CDC27: variants seen among roughly 807,000 people sequenced by gnomAD.
CDC27 encodes the protein cell division cycle protein 27 homolog.
Under a neutral mutation model 109.7 loss-of-function variants are expected in CDC27, and 27 were observed. That is an observed-to-expected ratio of 0.25 (90% CI 0.18 to 0.34). The LOEUF is 0.34. Among genes scored for constraint, CDC27 ranks in the 10% least tolerant of loss-of-function variants. The pLI is 1.00. For synonymous variants in CDC27, 266 were observed against 333.9 expected (o/e 0.80, Z 2.22); for missense variants, 579 against 960.2 (o/e 0.60, Z 5.25).
intron 1 of CDC27, chr17:47,188,939 T>C: frequency 7.0e-7 from 1 of 1,424,412 alleles, no homozygotes; most frequent in Non-Finnish European, 9.2e-7. Flanking sequence ...CCGCTCACGC[T>C]AAGGGTGAAG....
chr17:47,133,130 TATATATA>T (rs1176226247), intron 14 of CDC27, among the ~76,000 whole-genome samples: 3 of 120,894 alleles, frequency 2.5e-5, no homozygotes, highest in Non-Finnish European at 3.4e-5. Context: ...TATATATATA[TATATATA>T]ATATATATGT....
At position 47,159,582 on chromosome 17, in the gene CDC27, G is replaced by C. The variant is rs550121554; in HGVS notation, c.378-1279C>G. The C allele has an allele frequency of 6.4e-5, 30 of 471,872 alleles. No homozygotes were observed. In the South Asian group the frequency reaches 7.2e-4, roughly 11 times the overall value. The allele number at this position is 471,872 out of a possible 1,614,324, so 29.2% of individuals were successfully genotyped here. On this transcript the variant is annotated intron_variant, in intron 4 of 18. Transcript: ENST00000066544. ...TTCCCCCAGTAGCCTCTGCGCACGG[G>C]GACAATCGAGAGTTTGGCCAGGATG...
At chr17:47,181,919 T>C (rs2064256033) in intron 1 of CDC27, among the ~76,000 whole-genome samples, 1 of 152,132 alleles carries the variant, frequency 6.6e-6, no homozygotes, top group Admixed American at 6.6e-5. Flanking sequence ...CCCTCACCAG[T>C]CTCCCCTTAT....
intron 15 of CDC27, 134 bp from the exon 16 acceptor site, chr17:47,129,655 C>T (rs2062258468): frequency 4.1e-6 from 2 of 491,138 alleles, no homozygotes; most frequent in South Asian, 9.5e-5. Flanking sequence ...TTGTCCACTG[C>T]ATTAAGTGGA....
intron 12 of CDC27, among the ~76,000 whole-genome samples, chr17:47,141,572 T>C (rs376633909): frequency 2.6e-5 from 4 of 152,198 alleles, no homozygotes; most frequent in African/African-American, 4.8e-5. Context: ...AATATAAATA[T>C]GTATTTTCAG....
In CDC27 at chr17:47,119,526, C is replaced by A. The variant is rs755815361; in HGVS notation, c.*1409G>T. 1 of 152,060 alleles carries A rather than the reference C, an allele frequency of 6.6e-6. No individual in the cohort carries two copies. The highest frequency in any genetic ancestry group is 1.5e-5 in the Non-Finnish European group (1 of 68,008). The allele number at this position is 152,060 out of a possible 1,614,324, so 9.4% of individuals were successfully genotyped here. On this transcript the variant is annotated 3_prime_UTR_variant, in exon 19 of 19. Transcript: ENST00000066544. Reference sequence around the variant, plus strand: ...AATAATCCAGAATAATAACTGTAGGCCTGTCATTCATAAGAAACTATAATT... The same window carrying A: ...AATAATCCAGAATAATAACTGTAGGACTGTCATTCATAAGAAACTATAATT...
chr17:47,123,106 T>C (rs1713495), intron 17 of CDC27, among the ~76,000 whole-genome samples: 53,841 of 152,094 alleles, frequency 0.35, 10,089 homozygotes, highest in Admixed American at 0.43. Flanking sequence ...CAGACATTAT[T>C]TTCAGAATTC....
At chr17:47,146,018 A>T (rs2062949110) in intron 9 of CDC27, among the ~76,000 whole-genome samples, 1 of 152,202 alleles carries the variant, frequency 6.6e-6, no homozygotes, top group Non-Finnish European at 1.5e-5. Flanking sequence ...CATCAATCAC[A>T]CCTACATAAT....
At chr17:47,184,296 C>T (rs929796142) in intron 1 of CDC27, among the ~76,000 whole-genome samples, 1 of 152,166 alleles carries the variant, frequency 6.6e-6, no homozygotes, top group African/African-American at 2.4e-5. Flanking sequence ...ACTTGGAAAA[C>T]CTTTTCCTTG....
intron 7 of CDC27, chr17:47,156,681 C>A: frequency 3.3e-6 from 1 of 302,594 alleles, no homozygotes. Context: ...CTCCTGACCT[C>A]AGGTGATCTG....
Position 47,187,598 on chromosome 17 carries a change from G to A in CDC27, c.27+1548C>T, listed in dbSNP as rs373154965. ...ATTTCAGGTGTAAGCCACCACGCCC[G>A]GCCTTCCATGCTTTTATAAAGTCTG... is the stretch of plus-strand genomic sequence containing the variant. On this transcript the variant is annotated intron_variant, in intron 1 of 18. Transcript: ENST00000066544. Among the ~76,000 whole-genome samples, 42 of 151,996 alleles carry A rather than the reference G, an allele frequency of 2.8e-4. No individual in the cohort carries two copies. In the South Asian group the frequency reaches 5.6e-3, roughly 20 times the overall value.
chr17:47,184,183 A>C (rs2064344307), intron 1 of CDC27, among the ~76,000 whole-genome samples: 1 of 152,160 alleles, frequency 6.6e-6, no homozygotes, highest in Non-Finnish European at 1.5e-5. Context: ...TCTCAGCCTC[A>C]ATCTCTTCAT....
At chr17:47,174,968 A>AACAGGACAGGACAGGACAGG (rs779367027) in intron 2 of CDC27, among the ~76,000 whole-genome samples, 3 of 116,044 alleles carry the variant, frequency 2.6e-5, no homozygotes, top group African/African-American at 9.2e-5. Flanking sequence ...GGACTATCGA[A>AACAGGACAGGACAGGACAGG]ACAGGACAGG....
chr17:47,142,825 T>C (rs1040077554), intron 10 of CDC27, among the ~76,000 whole-genome samples: 2 of 152,198 alleles, frequency 1.3e-5, no homozygotes, highest in East Asian at 1.9e-4. Flanking sequence ...ATTACAGGCA[T>C]GAGCCACCAC....
intron 9 of CDC27, 72 bp downstream of exon 9, chr17:47,151,734 T>G: frequency 8.3e-7 from 1 of 1,212,024 alleles, no homozygotes; most frequent in Non-Finnish European, 1.1e-6. Context: ...AGTCACTATC[T>G]GCCTAAATTA....
intron 12 of CDC27, among the ~76,000 whole-genome samples, chr17:47,140,907 A>G (rs1426085413): frequency 6.6e-6 from 1 of 152,218 alleles, no homozygotes; most frequent in African/African-American, 2.4e-5. Context: ...TGGATCATGA[A>G]GGGAAGAGTA....
chr17:47,153,564 A>G (rs1159687661), intron 8 of CDC27, among the ~76,000 whole-genome samples: 1 of 152,250 alleles, frequency 6.6e-6, no homozygotes, highest in Non-Finnish European at 1.5e-5. Context: ...AACAACTATA[A>G]GAAGAAACAT....
intron 16 of CDC27, among the ~76,000 whole-genome samples, chr17:47,124,178 A>AAAACAC (rs146307308): frequency 2.1e-5 from 3 of 144,392 alleles, no homozygotes; most frequent in African/African-American, 7.8e-5. Context: ...GTACACTGAA[A>AAAACAC]ACACACACAC....
Position 47,118,609 on chromosome 17 carries a change from A to T in CDC27, c.*2326T>A, listed in dbSNP as rs1480426306. 1 of 152,624 alleles carries T rather than the reference A, an allele frequency of 6.6e-6. No homozygotes were observed. The highest frequency in any genetic ancestry group is 1.5e-5 in the Non-Finnish European group (1 of 68,054). 9.5% of individuals were successfully genotyped at this position (152,624 alleles called of 1,614,324 possible). A position where few individuals can be genotyped will look rare whatever the true frequency, so the allele number is the denominator to read the frequency against. On this transcript the variant is annotated 3_prime_UTR_variant, in exon 19 of 19. Coordinates refer to ENST00000066544, the MANE Select transcript of CDC27 (RefSeq NM_001256.6). ...CTAATATATGTGTGAAACAGAGAAAAGGATGTCAAACTACTTAATTTAATT... is the reference window on the plus strand; with the variant it reads ...CTAATATATGTGTGAAACAGAGAAATGGATGTCAAACTACTTAATTTAATT...
Sources: gnomAD v4.1 joint callset for allele counts (sites outside exome capture counted in the v4.1 genomes callset) on GRCh38, gnomAD v4.1.1 for gene constraint, MANE v1.5 for transcripts, NCBI Gene and HGNC (gene_info 2026-07-23, HGNC 2026-07-21) for gene names.